Variants in AFG2A observed in about 807,000 individuals in gnomAD.
The protein encoded by AFG2A is ATPase family gene 2 protein homolog A.
At chr4:123,060,158 G>A in the AFG2A span, among the ~76,000 whole-genome samples, 1 of 152,202 alleles carries the variant, frequency 6.6e-6, no homozygotes, top group African/African-American at 2.4e-5. Flanking sequence ...GCCTCCCTCT[G>A]GCTGCTTTCA....
At chr4:123,246,490 T>G in the AFG2A span, among the ~76,000 whole-genome samples, 3 of 152,224 alleles carry the variant, frequency 2.0e-5, no homozygotes, top group Admixed American at 1.3e-4. Flanking sequence ...TCCTTGGCAT[T>G]ACATACCATA....
chr4:123,196,850 C>T, the AFG2A span, among the ~76,000 whole-genome samples: 1 of 152,030 alleles, frequency 6.6e-6, no homozygotes, highest in Non-Finnish European at 1.5e-5. Context: ...TTAGTAGGAG[C>T]CATTTTTATG....
At chr4:122,970,811 G>A in the AFG2A span, among the ~76,000 whole-genome samples, 1 of 151,424 alleles carries the variant, frequency 6.6e-6, no homozygotes, top group Non-Finnish European at 1.5e-5. Flanking sequence ...ATTAAGCAAC[G>A]CATGTCTGTA....
At chr4:123,067,110 A>G in the AFG2A span, among the ~76,000 whole-genome samples, 1 of 152,182 alleles carries the variant, frequency 6.6e-6, no homozygotes, top group Non-Finnish European at 1.5e-5. Context: ...CTTACATTTT[A>G]CGTGTACCAT....
chr4:122,979,419 G>C, the AFG2A span: 2 of 1,594,032 alleles, frequency 1.3e-6, no homozygotes, highest in Non-Finnish European at 1.7e-6. Context: ...TAGCTACACT[G>C]TTTGAATTAA....
the AFG2A span, among the ~76,000 whole-genome samples, chr4:122,939,458 C>CATGAACAAAA: frequency 6.6e-6 from 1 of 152,022 alleles, no homozygotes; most frequent in Non-Finnish European, 1.5e-5. Flanking sequence ...AGAGAATAGG[C>CATGAACAAAA]ATGAACAAAA....
the AFG2A span, among the ~76,000 whole-genome samples, chr4:122,958,064 T>C: frequency 6.6e-6 from 1 of 152,156 alleles, no homozygotes; most frequent in Non-Finnish European, 1.5e-5. Flanking sequence ...GAATCATCTC[T>C]TTTTTTCCAC....
chr4:123,132,695 T>C, the AFG2A span, among the ~76,000 whole-genome samples: 1 of 151,300 alleles, frequency 6.6e-6, no homozygotes, highest in African/African-American at 2.4e-5. Context: ...GTTGTTTCCA[T>C]AGCTTGGCTA....
chr4:123,281,398 G>A, the AFG2A span, among the ~76,000 whole-genome samples: 1 of 152,010 alleles, frequency 6.6e-6, no homozygotes, highest in Admixed American at 6.6e-5. Flanking sequence ...TGACATTTGG[G>A]GTATTAAACC....
chr4:123,039,755 A>G, the AFG2A span, among the ~76,000 whole-genome samples: 2 of 152,026 alleles, frequency 1.3e-5, no homozygotes, highest in South Asian at 4.2e-4. Context: ...GCAAGGTGAA[A>G]TTATGCAGAA....
At chr4:123,184,284 T>C in the AFG2A span, among the ~76,000 whole-genome samples, 1 of 152,176 alleles carries the variant, frequency 6.6e-6, no homozygotes, top group Non-Finnish European at 1.5e-5. Flanking sequence ...CTATACACAC[T>C]ACTATGATTT....
At chr4:122,982,864 C>CTTTTTTTTTTTTTTTTTTTTTTTT in the AFG2A span, among the ~76,000 whole-genome samples, 1 of 93,766 alleles carries the variant, frequency 1.1e-5, no homozygotes, top group Non-Finnish European at 1.9e-5. Flanking sequence ...TAATCTTCTT[C>CTTTTTTTTTTTTTTTTTTTTTTTT]TTTTTTTTTT....
the AFG2A span, among the ~76,000 whole-genome samples, chr4:123,247,224 C>CATGTGTGT: frequency 6.0e-5 from 9 of 149,748 alleles, no homozygotes; most frequent in South Asian, 8.5e-4. Flanking sequence ...TACTTGCGTG[C>CATGTGTGT]GTGTGTGTGT....
At chr4:123,003,133 C>T in the AFG2A span, among the ~76,000 whole-genome samples, 6 of 152,156 alleles carry the variant, frequency 3.9e-5, no homozygotes, top group South Asian at 2.1e-4. Flanking sequence ...ACGTAGTTCT[C>T]GAGCCTTGGC....
the AFG2A span, among the ~76,000 whole-genome samples, chr4:123,220,266 A>G: frequency 6.6e-6 from 1 of 152,144 alleles, no homozygotes; most frequent in African/African-American, 2.4e-5. Flanking sequence ...AACATTTTAA[A>G]AGTCCATGTA....
At chr4:122,933,404 A>G in the AFG2A span, 1 of 1,554,812 alleles carries the variant, frequency 6.4e-7, no homozygotes, top group Non-Finnish European at 8.9e-7. Context: ...GGTGTACCTA[A>G]TGCTGATTTC....
the AFG2A span, among the ~76,000 whole-genome samples, chr4:123,258,514 C>T: frequency 7.2e-5 from 11 of 152,216 alleles, no homozygotes; most frequent in East Asian, 2.1e-3. Context: ...GACTTCAGTT[C>T]TCATTTGTTA....
chr4:123,149,666 C>T, the AFG2A span, among the ~76,000 whole-genome samples: 1 of 152,098 alleles, frequency 6.6e-6, no homozygotes, highest in South Asian at 2.1e-4. Flanking sequence ...TAGGCACACA[C>T]AAAAACCACT....
At chr4:123,052,636 T>C in the AFG2A span, among the ~76,000 whole-genome samples, 2 of 152,212 alleles carry the variant, frequency 1.3e-5, no homozygotes, top group Non-Finnish European at 2.9e-5. Context: ...TTGTGTTTCC[T>C]GAGCCTGTGA....
Sources: gnomAD v4.1 joint callset for allele counts (sites outside exome capture counted in the v4.1 genomes callset) on GRCh38, gnomAD v4.1.1 for gene constraint, MANE v1.5 for transcripts, NCBI Gene and HGNC (gene_info 2026-07-23, HGNC 2026-07-21) for gene names.